The following SLC6A15 variants were observed in gnomAD, a reference collection of about 807,000 sequenced individuals.
SLC6A15 encodes the protein solute carrier family 6 member 15.
Under a neutral mutation model 68.5 loss-of-function variants are expected in SLC6A15, and 33 were observed. That is an observed-to-expected ratio of 0.48 (90% CI 0.37 to 0.64). The LOEUF (loss-of-function observed/expected upper bound fraction) is 0.64. Ranked by LOEUF, SLC6A15 falls within the 30% of genes least tolerant of loss-of-function variation. The pLI is 0.00. For synonymous variants in SLC6A15, 347 were observed against 301.0 expected, an observed-to-expected ratio of 1.15 and a Z score of -1.58; for missense variants, 747 against 874.3, an observed-to-expected ratio of 0.85 and a Z score of 1.84.
At chr12:84,908,625 TATC>T (rs1873290253) in intron 1 of SLC6A15, among the ~76,000 whole-genome samples, 2 of 148,846 alleles carry the variant, frequency 1.3e-5, no homozygotes, top group African/African-American at 4.9e-5. Flanking sequence ...TATATATATA[TATC>T]TTCCTACCCT....
Position 84,892,141 on chromosome 12 carries a change from T to TAA in SLC6A15, c.-23_-22dup, listed in dbSNP as rs5799712. 0.041 allele frequency: 54,086 copies of TAA among 1,320,880 alleles called. 92 individuals are homozygous for TAA. The highest frequency in any genetic ancestry group is 0.08 in the African/African-American group (5,188 of 64,508). The allele number at this position is 1,320,880 out of a possible 1,614,324, so 81.8% of individuals were successfully genotyped here. On this transcript the variant is annotated 5_prime_UTR_variant, in exon 2 of 12. Transcript: ENST00000266682. ...GGCATTGGAGAGTATGCGAAGTATT[T>TAA]AAAAAAAAAAAAAAAAACTCCCTTA...
At chr12:84,876,666 G>A in intron 5 of SLC6A15, 59 bp from the exon 6 acceptor site, 1 of 738,166 alleles carries the variant, frequency 1.4e-6, no homozygotes, top group Non-Finnish European at 2.2e-6. Flanking sequence ...TTATAGATAA[G>A]ATTTTATATG....
chr12:84,866,980 T>C, intron 10 of SLC6A15, 54 bp downstream of exon 10: 1 of 1,325,216 alleles, frequency 7.5e-7, no homozygotes, highest in Non-Finnish European at 1.0e-6. Context: ...CATTGATAAT[T>C]GATGTTTTCA....
intron 5 of SLC6A15, among the ~76,000 whole-genome samples, chr12:84,880,692 TGACTGA>T (rs1262961805): frequency 2.6e-5 from 4 of 152,184 alleles, no homozygotes; most frequent in Admixed American, 2.0e-4. Flanking sequence ...CATGCTCCTT[TGACTGA>T]TTTTTAAGAC....
chr12:84,906,726 C>A (rs1306680602), intron 1 of SLC6A15, among the ~76,000 whole-genome samples: 1 of 152,098 alleles, frequency 6.6e-6, no homozygotes, highest in Non-Finnish European at 1.5e-5. Context: ...AATTGGACAT[C>A]CCTAGGCAAA....
At chr12:84,904,224 G>GGAGAGGGAGAGAGAGAGA (rs1555183258) in intron 1 of SLC6A15, among the ~76,000 whole-genome samples, 1 of 121,996 alleles carries the variant, frequency 8.2e-6, no homozygotes, top group Non-Finnish European at 1.6e-5. Context: ...GGGCGGAGGG[G>GGAGAGGGAGAGAGAGAGA]GAGAGAGAGA....
intron 4 of SLC6A15, 129 bp from the exon 5 acceptor site, chr12:84,884,169 G>A: frequency 1.4e-6 from 1 of 692,956 alleles, no homozygotes; most frequent in Non-Finnish European, 2.4e-6. Context: ...ATAGCAGCAT[G>A]TAAATTCACA....
chr12:84,861,619 A>T lies in SLC6A15; in HGVS notation c.*13T>A, dbSNP rs199549791. 1 of 1,578,508 alleles carries T rather than the reference A, an allele frequency of 6.3e-7. No homozygotes were observed. The highest frequency in any genetic ancestry group is 8.6e-7 in the Non-Finnish European group (1 of 1,159,336). On this transcript the variant is annotated 3_prime_UTR_variant, in exon 12 of 12. Transcript: ENST00000266682. ...AAAATGAACCAAATAAAACCCACTG[A>T]CTTTTCCCCCAGCTACAAATCAGAT...
intron 1 of SLC6A15, among the ~76,000 whole-genome samples, chr12:84,896,621 A>T (rs1445319813): frequency 6.6e-6 from 1 of 152,228 alleles, no homozygotes. Flanking sequence ...CCAATATAGA[A>T]ATTTCCCTAT....
At chr12:84,887,791 T>C (rs1378972763) in intron 2 of SLC6A15, among the ~76,000 whole-genome samples, 3 of 152,108 alleles carry the variant, frequency 2.0e-5, no homozygotes, top group African/African-American at 7.2e-5. Flanking sequence ...TGCTGTTGGA[T>C]ACTTAGACTT....
At chr12:84,907,718 A>T (rs2120744118) in intron 1 of SLC6A15, among the ~76,000 whole-genome samples, 1 of 152,310 alleles carries the variant, frequency 6.6e-6, no homozygotes, top group Non-Finnish European at 1.5e-5. Flanking sequence ...ATAAATGAAA[A>T]TTTATGTTCC....
chr12:84,898,813 C>T (rs1013013050), intron 1 of SLC6A15, among the ~76,000 whole-genome samples: 1 of 152,194 alleles, frequency 6.6e-6, no homozygotes, highest in Non-Finnish European at 1.5e-5. Flanking sequence ...TAATTTTCTC[C>T]TTAACACAAC....
Position 84,892,158 on chromosome 12 carries a change from ACTCCCTT to A in SLC6A15, c.-45_-39del. ...GAAGTATTTAAAAAAAAAAAAAAAA[ACTCCCTT>A]ATGGCAAATGTGTTAACTCTATTTT... On this transcript the variant is annotated 5_prime_UTR_variant, in exon 2 of 12. Transcript: ENST00000266682. The A allele has an allele frequency of 2.8e-6, 4 of 1,407,186 alleles. No homozygotes were observed. Among genetic ancestry groups the A allele is most frequent in the Non-Finnish European group, 2.9e-6 (3 of 1,037,894 alleles). The allele number at this position is 1,407,186 out of a possible 1,614,324, so 87.2% of individuals were successfully genotyped here.
intron 5 of SLC6A15, chr12:84,882,142 C>A: frequency 1.0e-6 from 1 of 985,312 alleles, no homozygotes; most frequent in Non-Finnish European, 1.2e-6. Context: ...AGAAACAAAA[C>A]GTGGTAGTAA....
chr12:84,880,987 T>A, intron 5 of SLC6A15: 1 of 507,248 alleles, frequency 2.0e-6, no homozygotes, highest in African/African-American at 2.1e-5. Context: ...TCCCTGAGCT[T>A]GTCAACTTTG....
intron 6 of SLC6A15, among the ~76,000 whole-genome samples, chr12:84,875,570 A>G (rs954451849): frequency 6.7e-6 from 1 of 148,400 alleles, no homozygotes; most frequent in Non-Finnish European, 1.5e-5. Flanking sequence ...TTCTAAACTA[A>G]TTTTGAAATC....
chr12:84,896,262 G>A (rs80076176), intron 1 of SLC6A15, among the ~76,000 whole-genome samples: 2,020 of 152,048 alleles, frequency 0.013, 47 homozygotes, highest in African/African-American at 0.047. Context: ...TTGCTCATGG[G>A]CCAAATACAA....
At chr12:84,897,441 A>G (rs1253243064) in intron 1 of SLC6A15, among the ~76,000 whole-genome samples, 5 of 152,118 alleles carry the variant, frequency 3.3e-5, no homozygotes, top group Non-Finnish European at 7.4e-5. Context: ...AATTAATAAA[A>G]CACAAAATAC....
intron 1 of SLC6A15, among the ~76,000 whole-genome samples, chr12:84,898,234 G>A (rs1413245654): frequency 6.6e-6 from 1 of 152,122 alleles, no homozygotes; most frequent in Non-Finnish European, 1.5e-5. Flanking sequence ...CCAGCTACTT[G>A]GTTGGCTGAG....
Sources: allele counts gnomAD v4.1 joint callset (sites outside exome capture counted in the v4.1 genomes callset), GRCh38; gene constraint gnomAD v4.1.1; transcripts MANE v1.5; gene names NCBI Gene and HGNC (gene_info 2026-07-23, HGNC 2026-07-21).